The following FBXL4 variants were observed in gnomAD, a reference collection of about 807,000 sequenced individuals.
FBXL4 encodes the protein F-box and leucine rich repeat protein 4.
A neutral mutation model predicts 58.9 loss-of-function variants in FBXL4; 40 were observed. The observed-to-expected ratio is 0.68, with a 90% CI of 0.53 to 0.88. The LOEUF (loss-of-function observed/expected upper bound fraction) is 0.88, where lower values mean the gene tolerates loss of function less well. FBXL4 is among the 40% of genes least tolerant of loss of function. The pLI is 0.00. For missense variants in FBXL4, 676 were observed against 734.4 expected, an observed-to-expected ratio of 0.92 and a Z score of 0.92; for synonymous variants, 263 against 265.5, an observed-to-expected ratio of 0.99 and a Z score of 0.09.
intron 7 of FBXL4, among the ~76,000 whole-genome samples, chr6:98,888,959 AT>A (rs1012192111): frequency 6.6e-6 from 1 of 152,220 alleles, no homozygotes; most frequent in Non-Finnish European, 1.5e-5. Flanking sequence ...AAATTCAACA[AT>A]TCGCCACACA....
chr6:98,932,704 G>A (rs189530313), intron 2 of FBXL4, among the ~76,000 whole-genome samples: 98 of 152,174 alleles, frequency 6.4e-4, no homozygotes, highest in African/African-American at 2.1e-3. Context: ...CCAGGACAGC[G>A]TAAAGGCTAG....
At chr6:98,877,364 C>T (rs1770697672) in intron 8 of FBXL4, among the ~76,000 whole-genome samples, 1 of 152,122 alleles carries the variant, frequency 6.6e-6, no homozygotes, top group Admixed American at 6.6e-5. Context: ...ATGATTCTGA[C>T]TGTGCCCAAT....
At chr6:98,895,030 C>A (rs907165140) in intron 7 of FBXL4, among the ~76,000 whole-genome samples, 3 of 152,200 alleles carry the variant, frequency 2.0e-5, no homozygotes, top group Non-Finnish European at 2.9e-5. Context: ...AGGCCTGCTG[C>A]ATGCCTGGCT....
intron 5 of FBXL4, among the ~76,000 whole-genome samples, chr6:98,907,136 T>C (rs557186922): frequency 7.2e-5 from 11 of 152,302 alleles, no homozygotes; most frequent in South Asian, 2.1e-4. Flanking sequence ...ACTCTGATGA[T>C]AGTTTTTTGC....
rs1770522806 is a variant in FBXL4 at position 98,872,644 on chromosome 6, T to C, written c.*1634A>G. ...AAGTATCTACATAACAATCTCAGTT[T>C]TACCTCTTAGCCCACAAAGCCTAAA... On this transcript the variant is annotated 3_prime_UTR_variant, in exon 10 of 10. Transcript: ENST00000369244. The C allele has an allele frequency of 6.6e-6, 1 of 152,204 alleles. No individual in the cohort carries two copies. The highest frequency in any genetic ancestry group is 6.5e-5 in the Admixed American group (1 of 15,276). 9.4% of individuals were successfully genotyped at this position (152,204 alleles called of 1,614,324 possible). A position where few individuals can be genotyped will look rare whatever the true frequency, so the allele number is the denominator to read the frequency against.
Position 98,903,716 on chromosome 6 carries a change from G to C in FBXL4, c.1103+1710C>G, listed in dbSNP as rs1455241396. 2.6e-5 allele frequency among the ~76,000 whole-genome samples: 4 copies of C among 152,042 alleles called. No homozygotes were observed. The East Asian group carries it at 7.7e-4, about 29-fold the overall frequency. On this transcript the variant is annotated intron_variant, in intron 6 of 9. Coordinates refer to ENST00000369244, the MANE Select transcript of FBXL4 (RefSeq NM_001278716.2). The stretch of plus-strand genomic sequence containing the variant: ...AAGTTTTTAAAATTGATTAATATTA[G>C]CTTTATATTTTACTCGTTATTATCA...
chr6:98,907,925 TG>T (rs1771875092), intron 5 of FBXL4, among the ~76,000 whole-genome samples: 1 of 152,218 alleles, frequency 6.6e-6, no homozygotes. Context: ...AGTAATTTAC[TG>T]ACTTTCTAAT....
chr6:98,917,768 C>T lies in FBXL4; in HGVS notation c.513-49G>A, dbSNP rs770348037. ...ATAATACAGTTTAGAATGAGATCTA[C>T]TGGTCCCTTAAGGTTATAGACCCAT... On this transcript the variant is annotated intron_variant, in intron 4 of 9. Transcript: ENST00000369244. 15 of 1,412,526 alleles carry T rather than the reference C, an allele frequency of 1.1e-5. No homozygotes were observed. In the East Asian group the frequency reaches 1.6e-4, roughly 15 times the overall value. 87.5% of individuals were successfully genotyped at this position (1,412,526 alleles called of 1,614,324 possible).
intron 5 of FBXL4, among the ~76,000 whole-genome samples, chr6:98,916,038 T>C (rs1447730228): frequency 3.3e-5 from 5 of 152,176 alleles, no homozygotes; most frequent in African/African-American, 7.2e-5. Context: ...AAAGAAGACA[T>C]TTATGCAGCC....
At position 98,873,763 on chromosome 6, in the gene FBXL4, A is replaced by C. The variant is rs1770558850; in HGVS notation, c.*515T>G. The C allele has an allele frequency of 6.6e-6, 1 of 152,210 alleles. No individual in the cohort carries two copies. The allele number at this position is 152,210 out of a possible 1,614,324, so 9.4% of individuals were successfully genotyped here. On this transcript the variant is annotated 3_prime_UTR_variant, in exon 10 of 10. Coordinates refer to ENST00000369244, the MANE Select transcript of FBXL4 (RefSeq NM_001278716.2). ...ACCACACCTGGCTAGAAAAACTAAA[A>C]ATTTTCCAGTTGAACAGTTAATCCA...
At chr6:98,917,061 A>C (rs965004067) in intron 5 of FBXL4, among the ~76,000 whole-genome samples, 1 of 152,136 alleles carries the variant, frequency 6.6e-6, no homozygotes, top group Non-Finnish European at 1.5e-5. Context: ...TATTGCCCAC[A>C]GTTAAAGTGT....
chr6:98,898,031 A>G (rs1562226015), intron 7 of FBXL4, among the ~76,000 whole-genome samples: 1 of 152,182 alleles, frequency 6.6e-6, no homozygotes, highest in Admixed American at 6.5e-5. Context: ...GCAAGAAAAC[A>G]AGTATCATTT....
At chr6:98,913,299 T>C (rs192463263) in intron 5 of FBXL4, among the ~76,000 whole-genome samples, 3 of 152,076 alleles carry the variant, frequency 2.0e-5, no homozygotes, top group African/African-American at 7.2e-5. Context: ...TACCCAGAAA[T>C]TGAACTCAGC....
intron 7 of FBXL4, among the ~76,000 whole-genome samples, chr6:98,892,552 A>G (rs1044240444): frequency 7.9e-5 from 12 of 152,260 alleles, no homozygotes; most frequent in Non-Finnish European, 1.3e-4. Context: ...TACGCATGTC[A>G]GAAAACAAAT....
chr6:98,870,015 G>A lies in FBXL4; in HGVS notation c.*4263C>T, dbSNP rs868567633. Reference sequence around the variant, plus strand: ...AATTATACAAAAATTTAAGTCAGTTGTCAAAGCTAACAATGCATCACCTGG... The same window carrying A: ...AATTATACAAAAATTTAAGTCAGTTATCAAAGCTAACAATGCATCACCTGG... On this transcript the variant is annotated 3_prime_UTR_variant, in exon 10 of 10. Transcript: ENST00000369244. 25 of 152,154 alleles carry A rather than the reference G, an allele frequency of 1.6e-4. No homozygotes were observed. The highest frequency in any genetic ancestry group is 3.9e-4 in the Admixed American group (6 of 15,266). The allele number at this position is 152,154 out of a possible 1,614,324, so 9.4% of individuals were successfully genotyped here.
rs974639409 is a variant in FBXL4, at chr6:98,869,536, G to C, written c.*4742C>G. The C allele has an allele frequency of 3.9e-5, 6 of 152,488 alleles. No homozygotes were observed. Among genetic ancestry groups the C allele is most frequent in the African/African-American group, 1.4e-4 (6 of 41,446 alleles). 9.4% of individuals were successfully genotyped at this position (152,488 alleles called of 1,614,324 possible). On this transcript the variant is annotated 3_prime_UTR_variant, in exon 10 of 10. Transcript: ENST00000369244. ...CCCAGGTACTCGGGAGGCCGAGGTGGGAGGATCGCTTGAGCCTGGGAGACT... is the reference window on the plus strand; with the variant it reads ...CCCAGGTACTCGGGAGGCCGAGGTGCGAGGATCGCTTGAGCCTGGGAGACT...
intron 1 of FBXL4, among the ~76,000 whole-genome samples, chr6:98,942,045 G>T (rs1221856002): frequency 1.3e-5 from 2 of 148,622 alleles, no homozygotes; most frequent in African/African-American, 5.0e-5. Context: ...AAAGACTGAA[G>T]CTAATTTAAG....
chr6:98,934,309 G>A (rs1006562783), intron 2 of FBXL4, among the ~76,000 whole-genome samples: 18 of 151,952 alleles, frequency 1.2e-4, no homozygotes, highest in African/African-American at 3.6e-4. Flanking sequence ...AAGAGGCGGA[G>A]AATGGCTTGA....
At chr6:98,920,572 T>A (rs1772541379) in intron 4 of FBXL4, among the ~76,000 whole-genome samples, 1 of 152,140 alleles carries the variant, frequency 6.6e-6, no homozygotes, top group African/African-American at 2.4e-5. Context: ...ATTATTTGAA[T>A]TAACTATGAG....
Sources: gnomAD v4.1 joint callset for allele counts (sites outside exome capture counted in the v4.1 genomes callset) on GRCh38, gnomAD v4.1.1 for gene constraint, MANE v1.5 for transcripts, NCBI Gene and HGNC (gene_info 2026-07-23, HGNC 2026-07-21) for gene names.